Variants in SIN3B observed in about 807,000 individuals in gnomAD.
SIN3B encodes the protein paired amphipathic helix protein Sin3b.
Under a neutral mutation model 120.2 loss-of-function variants are expected in SIN3B, and 19 were observed. The ratio of observed to expected loss-of-function variants is 0.16; its 90% CI spans 0.11 to 0.23. SIN3B has a LOEUF of 0.23. Ranked by LOEUF, SIN3B falls within the 10% of genes least tolerant of loss-of-function variation. SIN3B has a pLI of 1.00. For synonymous variants in SIN3B, 654 were observed against 653.2 expected (o/e 1.00, Z -0.02); for missense variants, 1,073 against 1,573.0 (o/e 0.68, Z 5.38).
At chr19:16,842,105 T>C (rs532763564) in intron 4 of SIN3B, 137 bp downstream of exon 4, 1 of 827,522 alleles carries the variant, frequency 1.2e-6, no homozygotes, top group Admixed American at 2.7e-5. Context: ...TTGTTTGTTT[T>C]TTCTTAGAGT....
At chr19:16,850,949 A>G (rs1049964806) in intron 5 of SIN3B, among the ~76,000 whole-genome samples, 3 of 131,102 alleles carry the variant, frequency 2.3e-5, no homozygotes, top group Non-Finnish European at 5.1e-5. Context: ...ATTCATAGAA[A>G]AGACTTCAAA....
intron 4 of SIN3B, among the ~76,000 whole-genome samples, chr19:16,844,442 G>A (rs748952389): frequency 6.6e-6 from 1 of 152,212 alleles, no homozygotes; most frequent in Non-Finnish European, 1.5e-5. Context: ...CCTGGGTTCA[G>A]TGAGGTTAAC....
intron 8 of SIN3B, among the ~76,000 whole-genome samples, chr19:16,857,865 C>G (rs186081868): frequency 6.6e-6 from 1 of 152,014 alleles, no homozygotes; most frequent in African/African-American, 2.4e-5. Context: ...CTTTTCTCTT[C>G]TCTTTTCTTT....
In SIN3B at chr19:16,866,551, G is replaced by A; in HGVS notation, c.1801G>A (p.Asp601Asn). 1 of 1,613,598 alleles carries A rather than the reference G, an allele frequency of 6.2e-7. No individual in the cohort carries two copies. The highest frequency in any genetic ancestry group is 8.5e-7 in the Non-Finnish European group (1 of 1,179,964). ...GCTCAACGAGATCGAGAGCGTCTACGACGAGGTAAAGCCTTCCCTAGCCCT... is the reference window on the plus strand; with the variant it reads ...GCTCAACGAGATCGAGAGCGTCTACAACGAGGTAAAGCCTTCCCTAGCCCT... ...SLLNEIESVY[D>N]EHQEQHSEGR... is the part of the protein sequence containing the mutation. Residue 601 changes from aspartate to asparagine, a missense_variant, in exon 12 of 19, where the codon GAC (aspartate) becomes AAC (asparagine). Asp to Asn is a conservative substitution (Grantham distance 23, BLOSUM62 1). Transcript: ENST00000248054.
At chr19:16,847,192 G>C (rs1170339931) in intron 5 of SIN3B, 79 bp downstream of exon 5, 1 of 1,515,510 alleles carries the variant, frequency 6.6e-7, no homozygotes, top group Non-Finnish European at 9.0e-7. Context: ...CCCATGTCCG[G>C]GCCAAGCCTA....
At chr19:16,856,486 C>T (rs1490509230) in intron 8 of SIN3B, among the ~76,000 whole-genome samples, 8 of 151,958 alleles carry the variant, frequency 5.3e-5, no homozygotes, top group African/African-American at 1.2e-4. Context: ...AAGGAAAAGA[C>T]GATTTTTTCG....
At position 16,829,772 on chromosome 19, in the gene SIN3B, A is replaced by T; in HGVS notation, c.121-19A>T. The T allele has an allele frequency of 1.2e-5, 18 of 1,442,804 alleles. No individual in the cohort carries two copies. The highest frequency in any genetic ancestry group is 1.6e-5 in the Non-Finnish European group (16 of 1,026,838). 89.4% of individuals were successfully genotyped at this position (1,442,804 alleles called of 1,614,324 possible). A position where few individuals can be genotyped will look rare whatever the true frequency, so the allele number is the denominator to read the frequency against. ...CGTTCCGCGGCCAGGGCCCACCGGG[A>T]CCCTCCCCCTCTCTGCAGGTAGAAG... On this transcript the variant is annotated intron_variant, in intron 1 of 18. Transcript: ENST00000248054.
Position 16,841,811 on chromosome 19 carries a change from A to G in SIN3B, c.425A>G (p.Gln142Arg). 2 of 1,614,164 alleles carry G rather than the reference A, an allele frequency of 1.2e-6. No homozygotes were observed. The highest frequency in any genetic ancestry group is 8.5e-7 in the Non-Finnish European group (1 of 1,180,034). Residue 142 changes from glutamine to arginine, a missense_variant, in exon 4 of 19, where the codon CAG (glutamine) becomes CGG (arginine). Physicochemically the swap from Gln to Arg is conservative, Grantham distance 43. This residue lies in a region of SIN3B where 395 missense variants were observed against 528.0 expected (regional missense o/e 0.75). Transcript: ENST00000248054. ...NHGDGAEDFK[Q>R]QVPYKEDKPQ... ...GGGGACGGTGCAGAGGACTTCAAGC[A>G]GCAGGTGCCGTATAAAGAGGACAAA... is the stretch of plus-strand genomic sequence containing the variant.
chr19:16,878,417 G>C, intron 18 of SIN3B, 27 bp downstream of exon 18: 2 of 1,600,086 alleles, frequency 1.2e-6, no homozygotes, highest in African/African-American at 1.3e-5. Flanking sequence ...GGGCTGCCCC[G>C]ACATGCCCCT....
intron 3 of SIN3B, among the ~76,000 whole-genome samples, chr19:16,832,276 C>T (rs1971288855): frequency 1.4e-5 from 2 of 147,770 alleles, no homozygotes; most frequent in African/African-American, 5.0e-5. Context: ...CAGCTCAGTG[C>T]AACCTCCGCC....
At chr19:16,863,973 C>T (rs1289597967) in intron 10 of SIN3B, among the ~76,000 whole-genome samples, 177 bp downstream of exon 10, 3 of 152,184 alleles carry the variant, frequency 2.0e-5, no homozygotes, top group Admixed American at 2.0e-4. Context: ...GGGCTGGCTA[C>T]CAGATGGCAC....
At chr19:16,833,665 A>G (rs887471134) in intron 3 of SIN3B, among the ~76,000 whole-genome samples, 2 of 151,318 alleles carry the variant, frequency 1.3e-5, no homozygotes, top group African/African-American at 2.4e-5. Flanking sequence ...TTCTCTGTGC[A>G]AGACCCTCTC....
intron 11 of SIN3B, 70 bp from the exon 12 acceptor site, chr19:16,866,303 G>T: frequency 6.7e-7 from 1 of 1,485,896 alleles, no homozygotes; most frequent in South Asian, 1.3e-5. Flanking sequence ...AGGAAGACAG[G>T]CCAGCCCTGG....
intron 14 of SIN3B, 43 bp downstream of exon 14, chr19:16,871,441 A>G (rs368165179): frequency 4.3e-4 from 665 of 1,552,392 alleles, no homozygotes; most frequent in Non-Finnish European, 5.4e-4. Flanking sequence ...GACGGCGGAA[A>G]TGGCTCTACC....
chr19:16,829,988 CTTAGCCGG>C, intron 2 of SIN3B, 91 bp downstream of exon 2: 1 of 832,632 alleles, frequency 1.2e-6, no homozygotes, highest in Non-Finnish European at 2.0e-6. Flanking sequence ...AGCCTGCCCC[CTTAGCCGG>C]GTGACCTTGC....
rs187586012 is a variant in SIN3B, at chr19:16,837,261, G to A, written c.382-4507G>A. ...GCGTGAGAACCACTGGATGGTTCTG[G>A]GAGGCGGTTCTGCTGCTGTGCTGAG... On this transcript the variant is annotated intron_variant, in intron 3 of 18. Transcript: ENST00000248054. 3.6e-4 allele frequency among the ~76,000 whole-genome samples: 55 copies of A among 152,178 alleles called. No homozygotes were observed. The East Asian group carries it at 9.3e-3, about 26-fold the overall frequency.
intron 12 of SIN3B, 53 bp downstream of exon 12, chr19:16,866,609 C>T (rs566845518): frequency 2.2e-5 from 34 of 1,559,450 alleles, no homozygotes; most frequent in African/African-American, 1.1e-4. Context: ...CTGGCTCTCC[C>T]GACCGCCGGG....
In SIN3B at chr19:16,851,424, G is replaced by A. The variant is rs200695908; in HGVS notation, c.739G>A (p.Gly247Arg). 50 of 1,601,452 alleles carry A rather than the reference G, an allele frequency of 3.1e-5. No homozygotes were observed. Among genetic ancestry groups the A allele is most frequent in the Non-Finnish European group, 3.7e-5 (44 of 1,174,164 alleles). The change falls in exon 6 of 19, where the codon GGG becomes AGG. Residue 247 changes from glycine (G) to arginine (R), a missense_variant. Transcript: ENST00000248054. The part of the protein sequence containing the change: ...EAKRSLFTGN[G>R]PCEMHSVQKN... ...CATGTGTCCTTAGTTCACAGGAAACGGGCCGTGCGAGATGCACAGCGTGCA... is the reference window on the plus strand; with the variant it reads ...CATGTGTCCTTAGTTCACAGGAAACAGGCCGTGCGAGATGCACAGCGTGCA...
intron 16 of SIN3B, chr19:16,877,330 G>T: frequency 3.5e-6 from 2 of 565,222 alleles, no homozygotes; most frequent in East Asian, 6.0e-5. Flanking sequence ...GCTGTGGCCT[G>T]GTTGTGTGAG....
Sources: allele counts gnomAD v4.1 joint callset (sites outside exome capture counted in the v4.1 genomes callset), GRCh38; gene constraint gnomAD v4.1.1; regional missense constraint gnomAD v4.1.1; transcripts MANE v1.5; gene names NCBI Gene and HGNC (gene_info 2026-07-23, HGNC 2026-07-21).